The following DGKG variants were observed in gnomAD, a reference collection of about 807,000 sequenced individuals.
DGKG encodes the protein DAG kinase gamma.
DGKG carries 78 observed loss-of-function variants against 105.3 expected under a neutral mutation model. That is an observed-to-expected ratio of 0.74 (90% CI 0.62 to 0.89). DGKG has a LOEUF of 0.89. Among genes scored for constraint, DGKG ranks in the 40% least tolerant of loss-of-function variants. The pLI is 0.00. For missense variants in DGKG, 958 were observed against 1,020.1 expected (o/e 0.94, Z 0.83); for synonymous variants, 346 against 367.1 (o/e 0.94, Z 0.66).
chr3:186,264,140 C>CA (rs1204925063), intron 14 of DGKG, among the ~76,000 whole-genome samples: 2 of 152,244 alleles, frequency 1.3e-5, no homozygotes, highest in African/African-American at 2.4e-5. Flanking sequence ...AACTGGCATA[C>CA]ATGTATCGGG....
intron 24 of DGKG, among the ~76,000 whole-genome samples, chr3:186,156,673 TC>T (rs1284982531): frequency 6.6e-6 from 1 of 152,010 alleles, no homozygotes; most frequent in African/African-American, 2.4e-5. Flanking sequence ...TTTTTTTTTT[TC>T]TTTATTGGTT....
chr3:186,191,609 T>C (rs1340453693), intron 21 of DGKG, among the ~76,000 whole-genome samples: 1 of 152,248 alleles, frequency 6.6e-6, no homozygotes, highest in Non-Finnish European at 1.5e-5. Context: ...TTGGAAAAGA[T>C]GAAAACTCTT....
Position 186,149,010 on chromosome 3 carries a change from A to G in DGKG, c.*1080T>C, listed in dbSNP as rs1052930507. 3.2e-5 allele frequency: 20 copies of G among 625,140 alleles called. No homozygotes were observed. Among genetic ancestry groups the G allele is most frequent in the African/African-American group, 1.4e-4 (7 of 49,200 alleles). 38.7% of individuals were successfully genotyped at this position (625,140 alleles called of 1,614,324 possible). On this transcript the variant is annotated 3_prime_UTR_variant, in exon 25 of 25. Coordinates refer to ENST00000265022, the MANE Select transcript of DGKG (RefSeq NM_001346.3). ...AGGCTAAATATATATATATACACGC[A>G]CACACACACACACACGCGCGCACAC...
Position 186,361,051 on chromosome 3 carries a change from C to A in DGKG, c.-249+895G>T, listed in dbSNP as rs577566017. On this transcript the variant is annotated intron_variant, in intron 1 of 24. Coordinates refer to ENST00000265022, the MANE Select transcript of DGKG (RefSeq NM_001346.3). This position sits in a 1 kb window ranked among gnomAD's most constrained non-coding sequence, Gnocchi z 6.8. The stretch of plus-strand genomic sequence containing the variant: ...CGCGCTGCAGCAGACGCTCCCGCCG[C>A]GGGGGGCGACTGGGGGAGGGGTCTC... Among the ~76,000 whole-genome samples the A allele has an allele frequency of 4.7e-4, 72 of 152,310 alleles. 1 individual carries two copies. In the South Asian group the frequency reaches 9.1e-3, roughly 19 times the overall value.
chr3:186,257,684 T>TC lies in DGKG; in HGVS notation c.1510+169_1510+170insG. 2.6e-5 allele frequency: 9 copies of TC among 347,552 alleles called. No homozygotes were observed. The South Asian group carries it at 3.3e-4, about 13-fold the overall frequency. The allele number at this position is 347,552 out of a possible 1,614,324, so 21.5% of individuals were successfully genotyped here. ...GAATCATTCGATTGTCTTATTTCTT[T>TC]TTTTTTTTTTTTTCCACCCAAAGCA... is the stretch of plus-strand genomic sequence containing the variant. On this transcript the variant is annotated intron_variant, in intron 17 of 24. Transcript: ENST00000265022.
intron 3 of DGKG, among the ~76,000 whole-genome samples, chr3:186,299,838 T>TGTC (rs1560142060): frequency 4.8e-5 from 4 of 83,698 alleles, no homozygotes; most frequent in Admixed American, 4.6e-4. Flanking sequence ...TCTTTCTTTC[T>TGTC]TTTTTTTTTT....
intron 4 of DGKG, 128 bp from the exon 5 acceptor site, chr3:186,297,611 C>A (rs1723648916): frequency 1.4e-6 from 1 of 702,368 alleles, no homozygotes. Flanking sequence ...TATGTGTCAG[C>A]TGGGTTCATG....
chr3:186,280,807 C>G (rs147385906), intron 7 of DGKG, 63 bp from the exon 8 acceptor site: 7 of 1,452,126 alleles, frequency 4.8e-6, no homozygotes, highest in Non-Finnish European at 6.7e-6. Context: ...CATTAAGAGC[C>G]GAACTCAAAA....
At chr3:186,161,242 A>G (rs1716275728) in intron 24 of DGKG, 2 of 1,038,636 alleles carry the variant, frequency 1.9e-6, no homozygotes, top group African/African-American at 1.7e-5. Context: ...CATCAGCAGA[A>G]CAGTCTTCCT....
intron 2 of DGKG, 67 bp downstream of exon 2, chr3:186,320,326 C>A (rs1725020562): frequency 1.9e-6 from 3 of 1,600,528 alleles, no homozygotes; most frequent in Non-Finnish European, 2.6e-6. Flanking sequence ...TACTGCTATG[C>A]TTTCCAGAAA....
chr3:186,244,457 T>C (rs1161880981), intron 19 of DGKG, among the ~76,000 whole-genome samples: 2 of 150,438 alleles, frequency 1.3e-5, no homozygotes, highest in East Asian at 3.9e-4. Flanking sequence ...CAAGCTGGAG[T>C]GCAGTGGCAC....
chr3:186,268,073 G>T (rs1039971186), intron 12 of DGKG, among the ~76,000 whole-genome samples: 2 of 152,182 alleles, frequency 1.3e-5, no homozygotes, highest in African/African-American at 4.8e-5. Flanking sequence ...TGATTCCAGA[G>T]CCCCCTTAGA....
intron 22 of DGKG, among the ~76,000 whole-genome samples, chr3:186,177,094 C>T (rs1717119064): frequency 6.6e-6 from 1 of 152,192 alleles, no homozygotes; most frequent in South Asian, 2.1e-4. Context: ...CAATTTGAGG[C>T]CTTGGAGCCA....
chr3:186,260,536 A>AGG (rs752421773), intron 15 of DGKG, 23 bp from the exon 16 acceptor site: 2 of 1,547,956 alleles, frequency 1.3e-6, no homozygotes, highest in Non-Finnish European at 1.8e-6. Context: ...AAAGAAAAGG[A>AGG]GGGAGAGAGA....
At chr3:186,265,379 A>G in intron 13 of DGKG, 73 bp from the exon 14 acceptor site, 1 of 1,358,504 alleles carries the variant, frequency 7.4e-7, no homozygotes, top group Non-Finnish European at 1.0e-6. Flanking sequence ...TCAGATGAAA[A>G]ACAAACGGCT....
chr3:186,184,942 C>A (rs1717550124), intron 22 of DGKG, among the ~76,000 whole-genome samples: 1 of 152,148 alleles, frequency 6.6e-6, no homozygotes, highest in Non-Finnish European at 1.5e-5. Context: ...GAATATAATT[C>A]TGTCCAAGAA....
intron 18 of DGKG, 115 bp downstream of exon 18, chr3:186,252,978 G>C: frequency 1.2e-6 from 1 of 841,958 alleles, no homozygotes; most frequent in Non-Finnish European, 2.0e-6. Context: ...GCAGAGTTGA[G>C]TATTATGCTG....
chr3:186,243,895 G>GTTTTTTTTTTTTTTTTTTTTTTTTTTGTT (rs34134152), intron 19 of DGKG, among the ~76,000 whole-genome samples: 1 of 116,338 alleles, frequency 8.6e-6, no homozygotes. Flanking sequence ...AAATTTCTGT[G>GTTTTTTTTTTTTTTTTTTTTTTTTTTGTT]TTTTTTTTTT....
At chr3:186,353,608 C>CAT (rs1276529653) in intron 1 of DGKG, among the ~76,000 whole-genome samples, 2 of 144,326 alleles carry the variant, frequency 1.4e-5, no homozygotes, top group Non-Finnish European at 3.0e-5. Flanking sequence ...CACACATACA[C>CAT]ATATATATAG....
Sources: allele counts gnomAD v4.1 joint callset (sites outside exome capture counted in the v4.1 genomes callset), GRCh38; gene constraint gnomAD v4.1.1; non-coding constraint Gnocchi (gnomAD v3.1); transcripts MANE v1.5; gene names NCBI Gene and HGNC (gene_info 2026-07-23, HGNC 2026-07-21).